Variants in CPQ observed in about 807,000 individuals in gnomAD.
CPQ encodes carboxypeptidase Q.
Under a neutral mutation model 45.7 loss-of-function variants are expected in CPQ, and 37 were observed. The ratio of observed to expected loss-of-function variants is 0.81; its 90% CI spans 0.62 to 1.07. The LOEUF is 1.07. Ranked by LOEUF, CPQ falls within the 50% of genes least tolerant of loss-of-function variation. CPQ has a pLI of 0.00. For synonymous variants in CPQ, 186 were observed against 205.8 expected (o/e 0.90, Z 0.82); for missense variants, 537 against 572.9 (o/e 0.94, Z 0.64).
intron 4 of CPQ, among the ~76,000 whole-genome samples, chr8:96,892,261 G>A (rs759451782): frequency 1.3e-5 from 2 of 152,242 alleles, no homozygotes; most frequent in Middle Eastern, 3.4e-3. Context: ...TGATTGGCCT[G>A]GTGGATAAAC....
At chr8:96,712,813 G>A (rs563355599) in intron 1 of CPQ, among the ~76,000 whole-genome samples, 1 of 152,044 alleles carries the variant, frequency 6.6e-6, no homozygotes, top group Admixed American at 6.6e-5. Context: ...TTGTCTTGAT[G>A]GTTGACATTT....
At chr8:96,888,548 T>C (rs1226702890) in intron 4 of CPQ, among the ~76,000 whole-genome samples, 1 of 152,216 alleles carries the variant, frequency 6.6e-6, no homozygotes, top group African/African-American at 2.4e-5. Flanking sequence ...AAAAGCATTA[T>C]TTACAGAGTA....
intron 1 of CPQ, among the ~76,000 whole-genome samples, chr8:96,704,845 A>G (rs1809512368): frequency 6.6e-6 from 1 of 152,176 alleles, no homozygotes; most frequent in African/African-American, 2.4e-5. Flanking sequence ...GAAATCTTTG[A>G]TTCAAAGTAC....
At chr8:96,687,473 T>G (rs906950221) in intron 1 of CPQ, among the ~76,000 whole-genome samples, 1 of 152,180 alleles carries the variant, frequency 6.6e-6, no homozygotes, top group Non-Finnish European at 1.5e-5. Context: ...CCTCCCAAAG[T>G]GCTGGGATTA....
rs184556879 is a variant in CPQ at position 96,813,010 on chromosome 8, G to A, written c.434-21963G>A. Reference sequence around the variant, plus strand: ...TTGGTCCTGTGGAGTTAGGTCAGAAGGATGTGGTTATAAAATAAAGTGATT... The same window carrying A: ...TTGGTCCTGTGGAGTTAGGTCAGAAAGATGTGGTTATAAAATAAAGTGATT... On this transcript the variant is annotated intron_variant, in intron 2 of 7. Transcript: ENST00000220763. Among the ~76,000 whole-genome samples, 203 of 152,242 alleles carry A rather than the reference G, an allele frequency of 1.3e-3. 2 individuals are homozygous for A. Among genetic ancestry groups the A allele is most frequent in the Admixed American group, 9.8e-3 (150 of 15,286 alleles).
At chr8:96,912,326 G>A (rs1282289526) in intron 4 of CPQ, among the ~76,000 whole-genome samples, 1 of 152,168 alleles carries the variant, frequency 6.6e-6, no homozygotes, top group Admixed American at 6.5e-5. Flanking sequence ...TTCACTGTGA[G>A]CAAGGTGGTA....
At chr8:96,882,919 T>C (rs914895972) in intron 4 of CPQ, among the ~76,000 whole-genome samples, 1 of 152,174 alleles carries the variant, frequency 6.6e-6, no homozygotes, top group Admixed American at 6.5e-5. Context: ...TTGAGTTCCT[T>C]TGTAGTCCAT....
intron 5 of CPQ, among the ~76,000 whole-genome samples, chr8:96,984,094 C>T (rs780726857): frequency 8.6e-5 from 13 of 151,908 alleles, no homozygotes; most frequent in Non-Finnish European, 1.6e-4. Flanking sequence ...TATTTAGAAA[C>T]TTATACATTC....
At chr8:97,008,349 G>A (rs1470418238) in intron 5 of CPQ, among the ~76,000 whole-genome samples, 2 of 152,166 alleles carry the variant, frequency 1.3e-5, no homozygotes, top group Non-Finnish European at 2.9e-5. Context: ...TTTATGCCTG[G>A]ACATTTTAGG....
intron 5 of CPQ, among the ~76,000 whole-genome samples, chr8:96,970,814 C>G (rs937506282): frequency 6.6e-6 from 1 of 152,106 alleles, no homozygotes; most frequent in African/African-American, 2.4e-5. Context: ...CCGCCCGCCT[C>G]GGCCTCCCAA....
intron 1 of CPQ, among the ~76,000 whole-genome samples, chr8:96,735,889 G>A (rs937966264): frequency 6.6e-6 from 1 of 151,928 alleles, no homozygotes; most frequent in African/African-American, 2.4e-5. Flanking sequence ...TACTGCCTTC[G>A]TCCATTGGGA....
intron 1 of CPQ, among the ~76,000 whole-genome samples, chr8:96,749,360 T>A (rs1343119895): frequency 2.6e-5 from 4 of 151,976 alleles, no homozygotes; most frequent in Non-Finnish European, 5.9e-5. Flanking sequence ...ATATTGAGAG[T>A]GATGTGATGA....
At chr8:96,712,877 A>AT (rs112742686) in intron 1 of CPQ, among the ~76,000 whole-genome samples, 3,477 of 150,946 alleles carry the variant, frequency 0.023, 151 homozygotes, top group African/African-American at 0.08. Flanking sequence ...TCTCCCACAA[A>AT]TTTTTTTTTC....
At chr8:97,021,676 A>T (rs113496029) in intron 5 of CPQ, among the ~76,000 whole-genome samples, 2,945 of 152,262 alleles carry the variant, frequency 0.019, 92 homozygotes, top group African/African-American at 0.068. Flanking sequence ...GAAAGACTTG[A>T]ACAAGGATAC....
At chr8:96,656,010 A>G (rs894691267) in intron 1 of CPQ, among the ~76,000 whole-genome samples, 8 of 152,122 alleles carry the variant, frequency 5.3e-5, no homozygotes, top group African/African-American at 1.9e-4. Context: ...GTTTGCCACC[A>G]TGCCTGGCTA....
intron 5 of CPQ, among the ~76,000 whole-genome samples, chr8:97,022,272 A>G (rs886639428): frequency 6.6e-6 from 1 of 152,232 alleles, no homozygotes; most frequent in African/African-American, 2.4e-5. Context: ...ACCTGAAACT[A>G]TAAAAATTCC....
intron 1 of CPQ, among the ~76,000 whole-genome samples, chr8:96,755,606 T>A (rs956621010): frequency 6.6e-6 from 1 of 151,848 alleles, no homozygotes; most frequent in Non-Finnish European, 1.5e-5. Flanking sequence ...CTTATAAATA[T>A]TTTATGAAAT....
intron 1 of CPQ, among the ~76,000 whole-genome samples, chr8:96,730,767 GT>G (rs1809900726): frequency 6.6e-6 from 1 of 150,498 alleles, no homozygotes; most frequent in Non-Finnish European, 1.5e-5. Context: ...TTTGTCTCAG[GT>G]GTGGCCAGGG....
chr8:97,048,233 G>C (rs2513397), intron 6 of CPQ, among the ~76,000 whole-genome samples: 1 of 152,136 alleles, frequency 6.6e-6, no homozygotes, highest in South Asian at 2.1e-4. Flanking sequence ...GATTGGAGGA[G>C]CAATTATAAA....
Sources: allele counts gnomAD v4.1 joint callset (sites outside exome capture counted in the v4.1 genomes callset), GRCh38; gene constraint gnomAD v4.1.1; transcripts MANE v1.5; gene names NCBI Gene and HGNC (gene_info 2026-07-23, HGNC 2026-07-21).